Variants in SSH1 observed in about 807,000 individuals in gnomAD.
SSH1 encodes protein phosphatase Slingshot homolog 1.
Under a neutral mutation model 79.7 loss-of-function variants are expected in SSH1, and 43 were observed. The ratio of observed to expected loss-of-function variants is 0.54; its 90% CI spans 0.42 to 0.70. The LOEUF is 0.70. Among genes scored for constraint, SSH1 ranks in the 30% least tolerant of loss-of-function variants. The pLI, the probability that SSH1 is intolerant of heterozygous loss-of-function variation, is 0.00. For missense variants in SSH1, 1,206 were observed against 1,358.8 expected (o/e 0.89, Z 1.77); for synonymous variants, 599 against 538.3 (o/e 1.11, Z -1.56).
chr12:108,795,822 G>A (rs1209653161), intron 13 of SSH1, among the ~76,000 whole-genome samples: 1 of 152,106 alleles, frequency 6.6e-6, no homozygotes, highest in African/African-American at 2.4e-5. Context: ...CTGCAATCCG[G>A]CCTGGGTGAC....
Position 108,779,252 on chromosome 12 carries a change from C to T in SSH1, c.*8736G>A, listed in dbSNP as rs1484828612. The T allele has an allele frequency of 6.6e-6, 1 of 152,218 alleles. No homozygotes were observed. Among genetic ancestry groups the T allele is most frequent in the Non-Finnish European group, 1.5e-5 (1 of 68,050 alleles). 9.4% of individuals were successfully genotyped at this position (152,218 alleles called of 1,614,324 possible). A position where few individuals can be genotyped will look rare whatever the true frequency, so the allele number is the denominator to read the frequency against. On this transcript the variant is annotated 3_prime_UTR_variant, in exon 15 of 15. Transcript: ENST00000326495. Reference sequence around the variant, plus strand: ...TCTTAACAAGGTACTTCAGGATGCACAATTTCCATTTAAAGGCAAAATATG... The same window carrying T: ...TCTTAACAAGGTACTTCAGGATGCATAATTTCCATTTAAAGGCAAAATATG...
At chr12:108,819,163 G>A (rs2038019507) in intron 3 of SSH1, among the ~76,000 whole-genome samples, 2 of 152,200 alleles carry the variant, frequency 1.3e-5, no homozygotes, top group Non-Finnish European at 2.9e-5. Flanking sequence ...TATGCTGGTT[G>A]CCCAGAGAAA....
chr12:108,790,533 C>T (rs975633231), intron 14 of SSH1, among the ~76,000 whole-genome samples: 1 of 152,200 alleles, frequency 6.6e-6, no homozygotes, highest in African/African-American at 2.4e-5. Flanking sequence ...ATCTGCCTGC[C>T]TTGGCCTCCA....
intron 5 of SSH1, 144 bp downstream of exon 5, chr12:108,816,894 T>C (rs1050326981): frequency 6.5e-6 from 8 of 1,237,514 alleles, no homozygotes; most frequent in Admixed American, 1.7e-5. Context: ...CACACCCTAG[T>C]GTTCCCAGTG....
chr12:108,816,438 G>A (rs1363874580), intron 5 of SSH1, among the ~76,000 whole-genome samples: 1 of 152,220 alleles, frequency 6.6e-6, no homozygotes. Context: ...CATTTATCTT[G>A]TGATGTCAGG....
At chr12:108,816,982 C>T in intron 5 of SSH1, 56 bp downstream of exon 5, 1 of 1,610,024 alleles carries the variant, frequency 6.2e-7, no homozygotes, top group Non-Finnish European at 8.5e-7. Flanking sequence ...AATGCTTTGT[C>T]CAGCAGCAAC....
At chr12:108,802,098 G>A (rs1425148156) in intron 11 of SSH1, among the ~76,000 whole-genome samples, 2 of 152,178 alleles carry the variant, frequency 1.3e-5, no homozygotes, top group Admixed American at 1.3e-4. Context: ...CAATCCACAC[G>A]ATCACGCGAG....
rs2036361171 is a variant in SSH1, at chr12:108,788,501, A to T, written c.2637T>A (p.Ser879Arg). The T allele has an allele frequency of 6.4e-7, 1 of 1,552,322 alleles. No individual in the cohort carries two copies. Among genetic ancestry groups the T allele is most frequent in the South Asian group, 1.2e-5 (1 of 80,084 alleles). Residue 879 changes from serine to arginine, a missense_variant, in exon 15 of 15, where the codon AGT becomes AGA. Coordinates refer to ENST00000326495, the MANE Select transcript of SSH1 (RefSeq NM_018984.4). ...GPLVMPSQAG[S>R]DEKSEAAPAS... ...CGGGGGCGGCCTCTGACTTCTCATCACTCCCGGCCTGGCTGGGCATAACCA... is the reference window on the plus strand; with the variant it reads ...CGGGGGCGGCCTCTGACTTCTCATCTCTCCCGGCCTGGCTGGGCATAACCA...
intron 2 of SSH1, among the ~76,000 whole-genome samples, chr12:108,827,048 GT>G (rs2038338110): frequency 3.3e-5 from 5 of 150,942 alleles, no homozygotes; most frequent in Admixed American, 2.6e-4. Flanking sequence ...CAACTGGAAT[GT>G]TTTTATCTCC....
At position 108,821,772 on chromosome 12, in the gene SSH1, T is replaced by A. The variant is rs538870997; in HGVS notation, c.214+1486A>T. 5.3e-5 allele frequency among the ~76,000 whole-genome samples: 8 copies of A among 152,344 alleles called. No homozygotes were observed. The East Asian group carries it at 1.5e-3, about 29-fold the overall frequency. ...GACCTAAATATCATCAACATCAGTATGTGAAAATACTGACTGAGCCTTGGT... is the reference window on the plus strand; with the variant it reads ...GACCTAAATATCATCAACATCAGTAAGTGAAAATACTGACTGAGCCTTGGT... On this transcript the variant is annotated intron_variant, in intron 3 of 14. Coordinates refer to ENST00000326495, the MANE Select transcript of SSH1 (RefSeq NM_018984.4).
intron 3 of SSH1, among the ~76,000 whole-genome samples, chr12:108,819,649 C>T (rs1403208762): frequency 1.3e-5 from 2 of 151,976 alleles, no homozygotes; most frequent in African/African-American, 4.8e-5. Flanking sequence ...GGCAACATGG[C>T]AAGACCCCAT....
chr12:108,851,304 A>G (rs2137291874), intron 2 of SSH1, among the ~76,000 whole-genome samples: 1 of 152,326 alleles, frequency 6.6e-6, no homozygotes. Flanking sequence ...ACACAGAAAC[A>G]TCGGAGAAAA....
chr12:108,793,095 G>A (rs1248229213), intron 13 of SSH1, among the ~76,000 whole-genome samples: 2 of 152,202 alleles, frequency 1.3e-5, no homozygotes, highest in Non-Finnish European at 2.9e-5. Context: ...AAGGAACGCG[G>A]GGGCGTCTAG....
rs1477607738 is a variant in SSH1 at position 108,792,300 on chromosome 12, G to A, written c.1879C>T (p.Pro627Ser). Residue 627 changes from proline (P) to serine (S), a missense_variant, in exon 14 of 15, where the codon CCC (proline) becomes TCC (serine). Pro to Ser is a moderately conservative substitution (Grantham distance 74, BLOSUM62 -1). This residue lies in a region of SSH1 where 709 missense variants were observed against 730.6 expected (regional missense o/e 0.97). Transcript: ENST00000326495. ...GCTCTGCCTACCTCCATGCCGTTGG[G>A]ACAGCTCCTCTTGCTGTTGTTGTTT... ...NLNNNSKRSC[P>S]NGMEDDAIFG... The A allele has an allele frequency of 1.2e-6, 2 of 1,614,076 alleles. No homozygotes were observed. Among genetic ancestry groups the A allele is most frequent in the Non-Finnish European group, 8.5e-7 (1 of 1,180,030 alleles).
At chr12:108,851,792 A>G (rs2039044391) in intron 2 of SSH1, among the ~76,000 whole-genome samples, 1 of 152,240 alleles carries the variant, frequency 6.6e-6, no homozygotes, top group African/African-American at 2.4e-5. Context: ...GTTTCAAATC[A>G]GCAAAGTGCT....
chr12:108,835,014 C>G (rs1264125830), intron 2 of SSH1, among the ~76,000 whole-genome samples: 1 of 152,128 alleles, frequency 6.6e-6, no homozygotes, highest in East Asian at 1.9e-4. Context: ...CGAGTTAAAG[C>G]CACCTGGAGG....
chr12:108,842,608 G>C (rs368752635), intron 2 of SSH1, among the ~76,000 whole-genome samples: 1 of 152,202 alleles, frequency 6.6e-6, no homozygotes, highest in Non-Finnish European at 1.5e-5. Flanking sequence ...GGGAGTTGAC[G>C]GGACCTGCCC....
Position 108,827,293 on chromosome 12 carries a change from A to C in SSH1, c.111-3932T>G, listed in dbSNP as rs143547932. 1,240 of 1,551,396 alleles carry C rather than the reference A, an allele frequency of 8.0e-4. 6 individuals carry two copies. The African/African-American group carries it at 0.014, about 17-fold the overall frequency. ...TGAGCTGGAAACCTCTGGACAGCAG[A>C]AGCAGTGGGTTGGCTGAAGGAAGAT... On this transcript the variant is annotated intron_variant, in intron 2 of 14. Coordinates refer to ENST00000326495, the MANE Select transcript of SSH1 (RefSeq NM_018984.4).
chr12:108,819,194 C>T (rs1462060379), intron 3 of SSH1, among the ~76,000 whole-genome samples: 1 of 152,220 alleles, frequency 6.6e-6, no homozygotes, highest in East Asian at 1.9e-4. Context: ...AGAAACCAAT[C>T]TGTCATTTTC....
Sources: allele counts gnomAD v4.1 joint callset (sites outside exome capture counted in the v4.1 genomes callset), GRCh38; gene constraint gnomAD v4.1.1; regional missense constraint gnomAD v4.1.1; transcripts MANE v1.5; gene names NCBI Gene and HGNC (gene_info 2026-07-23, HGNC 2026-07-21).